The following FST variants were observed in gnomAD, a reference collection of about 807,000 sequenced individuals.
The protein encoded by FST is activin-binding protein.
Under a neutral mutation model 38.4 loss-of-function variants are expected in FST, and 6 were observed. The ratio of observed to expected loss-of-function variants is 0.16; its 90% CI spans 0.09 to 0.31. The LOEUF (loss-of-function observed/expected upper bound fraction) is 0.31, where lower values mean the gene tolerates loss of function less well. FST is among the 10% of genes least tolerant of loss of function. The pLI, the probability that FST is intolerant of heterozygous loss-of-function variation, is 1.00. For synonymous variants in FST, 157 were observed against 169.8 expected, an observed-to-expected ratio of 0.92 and a Z score of 0.59; for missense variants, 301 against 432.3, an observed-to-expected ratio of 0.70 and a Z score of 2.69.
At chr5:53,484,366 A>G in intron 4 of FST, 73 bp downstream of exon 4, 1 of 1,512,602 alleles carries the variant, frequency 6.6e-7, no homozygotes, top group South Asian at 1.3e-5. Flanking sequence ...GGGTTAACTA[A>G]TAAGTAAAGC....
At position 53,482,864 on chromosome 5, in the gene FST, C is replaced by T; in HGVS notation, c.86-16C>T. 1 of 1,562,180 alleles carries T rather than the reference C, an allele frequency of 6.4e-7. No homozygotes were observed. The highest frequency in any genetic ancestry group is 8.7e-7 in the Non-Finnish European group (1 of 1,143,924). On this transcript the variant is annotated splice_polypyrimidine_tract_variant and intron_variant, in intron 1 of 5. Transcript: ENST00000256759. ...ACTGCTCACTCACCCACCTCCCCAC[C>T]CTTGTCTCTTCACAGCTGGGAACTG...
In FST at chr5:53,483,682, G is replaced by C. The variant is rs974025762; in HGVS notation, c.456G>C (p.Glu152Asp). The C allele has an allele frequency of 6.2e-7, 1 of 1,614,198 alleles. No homozygotes were observed. The highest frequency in any genetic ancestry group is 8.5e-7 in the Non-Finnish European group (1 of 1,180,020). The change falls in exon 3 of 6, where the codon GAG becomes GAC. Residue 152 changes from glutamate to aspartate, a missense_variant. By Grantham distance (45) the Glu-to-Asp change is conservative. Transcript: ENST00000256759. The surrounding 1 kb of genome is among the most constrained non-coding windows in gnomAD (Gnocchi z 4.1). ...ECALLKARCKEQPELEVQYQG... is the reference protein window; with the variant it reads ...ECALLKARCKDQPELEVQYQG... ...CACTCCTAAAGGCAAGATGTAAAGA[G>C]CAGCCAGAACTGGAAGTCCAGTACC...
At chr5:53,485,545 A>G in intron 5 of FST, 1 of 651,194 alleles carries the variant, frequency 1.5e-6, no homozygotes, top group Non-Finnish European at 2.7e-6. Flanking sequence ...CTGCTTCAAA[A>G]GTTTTTTTTT....
In FST at chr5:53,480,809, C is replaced by G. The variant is rs1747151858; in HGVS notation, c.18C>G (p.His6Gln). The part of the protein sequence containing the change: MVRAR[H>Q]QPGGLCLLLL... Reference sequence around the variant, plus strand: ...CCCCCAGGATGGTCCGCGCGAGGCACCAGCCGGGTGGGCTTTGCCTCCTGC... The same window carrying G: ...CCCCCAGGATGGTCCGCGCGAGGCAGCAGCCGGGTGGGCTTTGCCTCCTGC... The change falls in exon 1 of 6, where the codon CAC becomes CAG. Residue 6 changes from histidine to glutamine, a missense_variant. Coordinates refer to ENST00000256759, the MANE Select transcript of FST (RefSeq NM_013409.3). 4 of 1,517,234 alleles carry G rather than the reference C, an allele frequency of 2.6e-6. No homozygotes were observed. The highest frequency in any genetic ancestry group is 4.2e-5 in the Admixed American group (2 of 48,050). The allele number at this position is 1,517,234 out of a possible 1,614,324, so 94.0% of individuals were successfully genotyped here. A position where few individuals can be genotyped will look rare whatever the true frequency, so the allele number is the denominator to read the frequency against.
intron 1 of FST, among the ~76,000 whole-genome samples, chr5:53,481,243 T>C (rs1215739747): frequency 6.7e-6 from 1 of 149,502 alleles, no homozygotes; most frequent in Non-Finnish European, 1.5e-5. Flanking sequence ...CAGTCTCATC[T>C]CTCTCCCTCC....
chr5:53,482,721 T>G (rs565784906), intron 1 of FST, 159 bp from the exon 2 acceptor site: 106 of 570,188 alleles, frequency 1.9e-4, no homozygotes, highest in African/African-American at 1.8e-3. Flanking sequence ...CCCTTTCGAT[T>G]TATTTCCTAC....
intron 4 of FST, 147 bp downstream of exon 4, chr5:53,484,440 C>T (rs1747427894): frequency 1.3e-6 from 1 of 749,224 alleles, no homozygotes; most frequent in South Asian, 1.9e-5. Context: ...GTTGTGACCA[C>T]AGTATTCCTC....
chr5:53,481,114 G>A (rs980364699), intron 1 of FST, among the ~76,000 whole-genome samples: 3 of 152,082 alleles, frequency 2.0e-5, no homozygotes, highest in African/African-American at 7.2e-5. Context: ...GGTCTTAGTA[G>A]TTAGGGTTAA....
In FST at chr5:53,483,553, CAAG is replaced by C. The variant is rs772816396; in HGVS notation, c.333_335del (p.Lys111del). ...GACCTGGGAAAAAATGCCGAATGAACAAGAAGAACAAACCCCGCTGCGTCTGCG... is the reference window on the plus strand; with the variant it reads ...GACCTGGGAAAAAATGCCGAATGAACAAGAACAAACCCCGCTGCGTCTGCG... On this transcript the variant is annotated inframe_deletion, in exon 3 of 6. Transcript: ENST00000256759. The surrounding 1 kb of genome is among the most constrained non-coding windows in gnomAD (Gnocchi z 4.1). 82 of 1,614,052 alleles carry C rather than the reference CAAG, an allele frequency of 5.1e-5. No individual in the cohort carries two copies. The highest frequency in any genetic ancestry group is 6.6e-5 in the Non-Finnish European group (78 of 1,180,030).
intron 1 of FST, chr5:53,482,619 C>G: frequency 8.1e-5 from 36 of 444,020 alleles, no homozygotes; most frequent in Non-Finnish European, 8.7e-5. Flanking sequence ...GGCGCCCTGT[C>G]TTCTCCCTCT....
In FST at chr5:53,482,972, C is replaced by T. The variant is rs560141519; in HGVS notation, c.178C>T (p.Arg60Trp). 2 of 1,612,924 alleles carry T rather than the reference C, an allele frequency of 1.2e-6. No individual in the cohort carries two copies. The highest frequency in any genetic ancestry group is 2.2e-5 in the East Asian group (1 of 44,856). Reference sequence around the variant, plus strand: ...CAAGGAGGAGTGCTGCAGCACCGGCCGGCTGAGCACCTCGTGGACCGAGGA... The same window carrying T: ...CAAGGAGGAGTGCTGCAGCACCGGCTGGCTGAGCACCTCGTGGACCGAGGA... ...LSKEECCSTG[R>W]LSTSWTEEDV... The change falls in exon 2 of 6, where the codon CGG (arginine) becomes TGG (tryptophan). Residue 60 changes from arginine to tryptophan, a missense_variant. Coordinates refer to ENST00000256759, the MANE Select transcript of FST (RefSeq NM_013409.3).
In FST at chr5:53,483,097, A is replaced by G. The variant is rs1346456940; in HGVS notation, c.277+26A>G. 8.4e-6 allele frequency: 13 copies of G among 1,540,830 alleles called. No individual in the cohort carries two copies. The highest frequency in any genetic ancestry group is 9.8e-6 in the Non-Finnish European group (11 of 1,117,958). The stretch of plus-strand genomic sequence containing the variant: ...GTAGGACTCCTTCTTCCCAACTTGC[A>G]GGCCCTCAGTAGAGGGCGTCTTACC... On this transcript the variant is annotated intron_variant, in intron 2 of 5. Coordinates refer to ENST00000256759, the MANE Select transcript of FST (RefSeq NM_013409.3). The surrounding 1 kb of genome is among the most constrained non-coding windows in gnomAD (Gnocchi z 4.1).
At position 53,486,624 on chromosome 5, in the gene FST, T is replaced by G. The variant is rs1186287829; in HGVS notation, c.*591T>G. On this transcript the variant is annotated 3_prime_UTR_variant, in exon 6 of 6. Transcript: ENST00000256759. ...GGTTTTGTTTACAAGGAACCTTGACTGACCAAAAGGCATTATAACTCTGAC... is the reference window on the plus strand; with the variant it reads ...GGTTTTGTTTACAAGGAACCTTGACGGACCAAAAGGCATTATAACTCTGAC... The G allele has an allele frequency of 3.3e-5, 5 of 152,244 alleles. No individual in the cohort carries two copies. The highest frequency in any genetic ancestry group is 6.5e-5 in the Admixed American group (1 of 15,270). 9.4% of individuals were successfully genotyped at this position (152,244 alleles called of 1,614,324 possible). A position where few individuals can be genotyped will look rare whatever the true frequency, so the allele number is the denominator to read the frequency against.
chr5:53,481,404 C>T (rs931868898), intron 1 of FST, among the ~76,000 whole-genome samples: 1 of 122,906 alleles, frequency 8.1e-6, no homozygotes, highest in Non-Finnish European at 1.6e-5. Context: ...TGAAGATTTT[C>T]AAGGGAAGTA....
chr5:53,483,149 G>T lies in FST; in HGVS notation c.277+78G>T. On this transcript the variant is annotated intron_variant, in intron 2 of 5. Transcript: ENST00000256759. The surrounding 1 kb of genome is among the most constrained non-coding windows in gnomAD (Gnocchi z 4.1). ...TTAGCTTCCCCACTACCTGACTGGGGTTTGGGAGTAGGAGAGCTTTGTTCC... is the reference window on the plus strand; with the variant it reads ...TTAGCTTCCCCACTACCTGACTGGGTTTTGGGAGTAGGAGAGCTTTGTTCC... The T allele has an allele frequency of 1.0e-6, 1 of 983,522 alleles. No homozygotes were observed. The highest frequency in any genetic ancestry group is 1.6e-6 in the Non-Finnish European group (1 of 632,170). 60.9% of individuals were successfully genotyped at this position (983,522 alleles called of 1,614,324 possible). A position where few individuals can be genotyped will look rare whatever the true frequency, so the allele number is the denominator to read the frequency against.
In FST at chr5:53,483,739, T is replaced by A. The variant is rs1747379858; in HGVS notation, c.496+17T>A. The A allele has an allele frequency of 6.4e-7, 1 of 1,564,816 alleles. No homozygotes were observed. The highest frequency in any genetic ancestry group is 1.3e-5 in the African/African-American group (1 of 74,106). On this transcript the variant is annotated intron_variant, in intron 3 of 5. Transcript: ENST00000256759. This position sits in a 1 kb window ranked among gnomAD's most constrained non-coding sequence, Gnocchi z 4.1. ...GATGTAAAAGTAGGTCCTACCCTGT[T>A]GAGCAAGACTGGATCTGTCCCCTCC...
chr5:53,482,159 C>T (rs1448874023), intron 1 of FST, among the ~76,000 whole-genome samples: 1 of 152,234 alleles, frequency 6.6e-6, no homozygotes, highest in Non-Finnish European at 1.5e-5. Context: ...TAGCTCCGGG[C>T]TGGGCCGGGT....
chr5:53,483,185 C>G lies in FST; in HGVS notation c.277+114C>G. ...GGAGAGCTTTGTTCCTGGGCTTCCC[C>G]TTCCTGTCCCTTGCCCTGGTAAGCC... On this transcript the variant is annotated intron_variant, in intron 2 of 5. Transcript: ENST00000256759. This position sits in a 1 kb window ranked among gnomAD's most constrained non-coding sequence, Gnocchi z 4.1. 1 of 717,500 alleles carries G rather than the reference C, an allele frequency of 1.4e-6. No individual in the cohort carries two copies. 44.4% of individuals were successfully genotyped at this position (717,500 alleles called of 1,614,324 possible).
chr5:53,483,092 C>G lies in FST; in HGVS notation c.277+21C>G, dbSNP rs1300844431. On this transcript the variant is annotated intron_variant, in intron 2 of 5. Transcript: ENST00000256759. The surrounding 1 kb of genome is among the most constrained non-coding windows in gnomAD (Gnocchi z 4.1). ...TAAAGGTAGGACTCCTTCTTCCCAA[C>G]TTGCAGGCCCTCAGTAGAGGGCGTC... 6.4e-7 allele frequency: 1 copy of G among 1,558,234 alleles called. No individual in the cohort carries two copies.
Sources: gnomAD v4.1 joint callset for allele counts (sites outside exome capture counted in the v4.1 genomes callset) on GRCh38, gnomAD v4.1.1 for gene constraint, Gnocchi (gnomAD v3.1) non-coding constraint, MANE v1.5 for transcripts, NCBI Gene and HGNC (gene_info 2026-07-23, HGNC 2026-07-21) for gene names.